Variants in TECPR2 observed in about 807,000 individuals in gnomAD.
The protein encoded by TECPR2 is tectonin beta-propeller repeat containing 2.
In TECPR2, 65 loss-of-function variants were observed where a neutral mutation model predicts 138.1. That is an observed-to-expected ratio of 0.47 (90% CI 0.39 to 0.58). The LOEUF (loss-of-function observed/expected upper bound fraction) is 0.58. Among genes scored for constraint, TECPR2 ranks in the 20% least tolerant of loss-of-function variants. The pLI, the probability that TECPR2 is intolerant of heterozygous loss-of-function variation, is 0.00. For missense variants in TECPR2, 1,553 were observed against 1,824.5 expected (o/e 0.85, Z 2.71); for synonymous variants, 746 against 749.8 (o/e 0.99, Z 0.08).
rs1322366872 is a variant in TECPR2, at chr14:102,431,482, C to A, written c.1085-314C>A. Among the ~76,000 whole-genome samples, 14 of 151,932 alleles carry A rather than the reference C, an allele frequency of 9.2e-5. No individual in the cohort carries two copies. The East Asian group carries it at 1.2e-3, about 13-fold the overall frequency. On this transcript the variant is annotated intron_variant, in intron 7 of 19. Transcript: ENST00000359520. ...CTCAGCCTCCCAAGTAGCTGGGACC[C>A]CCGGCGCCCGCCACCATGCCCGGCT...
chr14:102,414,915 A>G, intron 5 of TECPR2, 122 bp downstream of exon 5: 2 of 1,257,926 alleles, frequency 1.6e-6, no homozygotes, highest in South Asian at 1.5e-5. Context: ...CAGCGCCTCT[A>G]AGCCTGGGGT....
Position 102,376,762 on chromosome 14 carries a change from G to T in TECPR2, c.41G>T (p.Cys14Phe). ...ISEPVTFREF[C>F]PLYYLLNAIP... ...GAGCCTGTTACATTCAGAGAGTTCT[G>T]CCCGTTGTACTATCTCCTCAATGCC... The change falls in exon 2 of 20, where the codon TGC (cysteine) becomes TTC (phenylalanine). Residue 14 changes from cysteine to phenylalanine, a missense_variant. Transcript: ENST00000359520. 1 of 1,614,166 alleles carries T rather than the reference G, an allele frequency of 6.2e-7. No individual in the cohort carries two copies. The highest frequency in any genetic ancestry group is 1.7e-5 in the Admixed American group (1 of 60,022).
chr14:102,437,181 T>C (rs1200699882), intron 9 of TECPR2: 1 of 985,048 alleles, frequency 1.0e-6, no homozygotes, highest in African/African-American at 1.7e-5. Flanking sequence ...TCTGTACAAA[T>C]ACATTTATCT....
chr14:102,449,997 G>A lies in TECPR2; in HGVS notation c.3316+128G>A. The A allele has an allele frequency of 8.2e-6, 11 of 1,346,660 alleles. No individual in the cohort carries two copies. In the South Asian group the frequency reaches 1.3e-4, roughly 16 times the overall value. 83.4% of individuals were successfully genotyped at this position (1,346,660 alleles called of 1,614,324 possible). A position where few individuals can be genotyped will look rare whatever the true frequency, so the allele number is the denominator to read the frequency against. Reference sequence around the variant, plus strand: ...TAGTGCCAGTGGTATGAAGTGTCTAGTGGAGGCACTCTATGCTTTGTGATC... The same window carrying A: ...TAGTGCCAGTGGTATGAAGTGTCTAATGGAGGCACTCTATGCTTTGTGATC... On this transcript the variant is annotated intron_variant, in intron 14 of 19. Transcript: ENST00000359520.
chr14:102,489,906 TTC>T (rs1891117440), intron 17 of TECPR2, among the ~76,000 whole-genome samples: 1 of 151,112 alleles, frequency 6.6e-6, no homozygotes, highest in African/African-American at 2.4e-5. Flanking sequence ...CAGCCGGGAG[TTC>T]TTTTGCCTCC....
Position 102,392,913 on chromosome 14 carries a change from G to A in TECPR2, c.220-14425G>A, listed in dbSNP as rs572932439. Reference sequence around the variant, plus strand: ...GCAGGCTTATGATGACACATTCTTCGGAAAGATTCTTTTTTATTCGTTCCA... The same window carrying A: ...GCAGGCTTATGATGACACATTCTTCAGAAAGATTCTTTTTTATTCGTTCCA... On this transcript the variant is annotated intron_variant, in intron 2 of 19. Coordinates refer to ENST00000359520, the MANE Select transcript of TECPR2 (RefSeq NM_014844.5). 3.9e-5 allele frequency among the ~76,000 whole-genome samples: 6 copies of A among 152,160 alleles called. 1 individual carries two copies. Among genetic ancestry groups the A allele is most frequent in the Admixed American group, 6.6e-5 (1 of 15,256 alleles).
intron 15 of TECPR2, among the ~76,000 whole-genome samples, chr14:102,451,033 G>A (rs772805894): frequency 1.1e-4 from 16 of 152,144 alleles, no homozygotes; most frequent in Non-Finnish European, 1.9e-4. Context: ...ACTTCCTTCC[G>A]TCTTGTTCAC....
In TECPR2 at chr14:102,452,586, C is replaced by A. The variant is rs376417028; in HGVS notation, c.3599C>A (p.Pro1200His). The change falls in exon 16 of 20, where the codon CCC becomes CAC. Residue 1200 changes from proline to histidine, a missense_variant. Physicochemically the swap from Pro to His is moderately conservative, Grantham distance 77. Coordinates refer to ENST00000359520, the MANE Select transcript of TECPR2 (RefSeq NM_014844.5). ...ATCAGGACGCTCTCCAAGAGCTGCC[C>A]CACGGGCATGCACTGGACCAGGCTG... is the stretch of plus-strand genomic sequence containing the variant. ...VFIRTLSKSC[P>H]TGMHWTRLDL... 1.2e-6 allele frequency: 2 copies of A among 1,606,744 alleles called. No individual in the cohort carries two copies. Among genetic ancestry groups the A allele is most frequent in the African/African-American group, 1.3e-5 (1 of 74,884 alleles).
chr14:102,407,011 C>T (rs1240623650), intron 2 of TECPR2, among the ~76,000 whole-genome samples: 1 of 152,320 alleles, frequency 6.6e-6, no homozygotes, highest in East Asian at 1.9e-4. Flanking sequence ...AGGCATCTGC[C>T]ACCACGCCCA....
At position 102,498,998 on chromosome 14, in the gene TECPR2, C is replaced by T. The variant is rs1172688311; in HGVS notation, c.*741C>T. The T allele has an allele frequency of 8.6e-6, 6 of 695,090 alleles. No individual in the cohort carries two copies. Among genetic ancestry groups the T allele is most frequent in the South Asian group, 3.0e-5 (2 of 66,644 alleles). The allele number at this position is 695,090 out of a possible 1,614,324, so 43.1% of individuals were successfully genotyped here. On this transcript the variant is annotated 3_prime_UTR_variant, in exon 20 of 20. Coordinates refer to ENST00000359520, the MANE Select transcript of TECPR2 (RefSeq NM_014844.5). ...ACACCACACCCCACACCGCACTGCA[C>T]CGCACCGCACCGCACCGTACCTCGC...
At chr14:102,433,365 C>T (rs973343230) in intron 8 of TECPR2, among the ~76,000 whole-genome samples, 3 of 150,326 alleles carry the variant, frequency 2.0e-5, no homozygotes, top group African/African-American at 2.5e-5. Flanking sequence ...CATGCGTGCT[C>T]AGTGTTTGGC....
intron 14 of TECPR2, among the ~76,000 whole-genome samples, 153 bp downstream of exon 14, chr14:102,450,022 C>T (rs554989103): frequency 6.6e-6 from 1 of 152,284 alleles, no homozygotes; most frequent in African/African-American, 2.4e-5. Flanking sequence ...GCTTTGTGAT[C>T]AGTTTCTCTC....
intron 11 of TECPR2, 137 bp downstream of exon 11, chr14:102,440,746 A>G (rs1889807711): frequency 8.5e-7 from 1 of 1,175,118 alleles, no homozygotes; most frequent in Non-Finnish European, 1.2e-6. Flanking sequence ...CACTTCTGGG[A>G]AGAGAGTATT....
chr14:102,411,153 G>C (rs943566079), intron 4 of TECPR2, among the ~76,000 whole-genome samples: 1 of 152,300 alleles, frequency 6.6e-6, no homozygotes, highest in African/African-American at 2.4e-5. Flanking sequence ...TTCCCACGCC[G>C]CCCCTAATCC....
intron 1 of TECPR2, among the ~76,000 whole-genome samples, chr14:102,365,531 T>C (rs1887322061): frequency 1.3e-5 from 2 of 152,192 alleles, no homozygotes; most frequent in African/African-American, 4.8e-5. Flanking sequence ...TGGAAGGCTG[T>C]TCAGCAATAA....
rs987774955 is a variant in TECPR2, at chr14:102,419,364, A to G, written c.638+4571A>G. ...AGGAGGAGTGTTTTTGTAGAAGAGA[A>G]CAAAGAAAGACAAATAGGTGGTGCC... is the stretch of plus-strand genomic sequence containing the variant. On this transcript the variant is annotated intron_variant, in intron 5 of 19. Coordinates refer to ENST00000359520, the MANE Select transcript of TECPR2 (RefSeq NM_014844.5). The surrounding 1 kb of genome is among the most constrained non-coding windows in gnomAD (Gnocchi z 4.8). Among the ~76,000 whole-genome samples the G allele has an allele frequency of 6.6e-6, 1 of 152,114 alleles. No individual in the cohort carries two copies.
intron 17 of TECPR2, among the ~76,000 whole-genome samples, chr14:102,476,628 A>G (rs1056185555): frequency 1.3e-5 from 2 of 152,200 alleles, no homozygotes; most frequent in African/African-American, 4.8e-5. Flanking sequence ...AATGAAATCC[A>G]AGTCTTAAGA....
chr14:102,472,132 A>G (rs1401088293), intron 17 of TECPR2, among the ~76,000 whole-genome samples: 1 of 152,220 alleles, frequency 6.6e-6, no homozygotes, highest in African/African-American at 2.4e-5. Flanking sequence ...AGCAAGCCAG[A>G]GGCCAGGATG....
At chr14:102,368,249 T>G (rs12893521) in intron 1 of TECPR2, among the ~76,000 whole-genome samples, 46,402 of 151,910 alleles carry the variant, frequency 0.31, 7,354 homozygotes, top group Middle Eastern at 0.38. Context: ...CCTCAGGTGA[T>G]CCACCTGCGT....
Sources: allele counts gnomAD v4.1 joint callset (sites outside exome capture counted in the v4.1 genomes callset), GRCh38; gene constraint gnomAD v4.1.1; non-coding constraint Gnocchi (gnomAD v3.1); transcripts MANE v1.5; gene names NCBI Gene and HGNC (gene_info 2026-07-23, HGNC 2026-07-21).